The following TAPT1 variants were observed in gnomAD, a reference collection of about 807,000 sequenced individuals.
The protein encoded by TAPT1 is transmembrane anterior posterior transformation protein 1 homolog.
A neutral mutation model predicts 65.6 loss-of-function variants in TAPT1; 28 were observed. That is an observed-to-expected ratio of 0.43 (90% CI 0.32 to 0.59). TAPT1 has a LOEUF of 0.59. Ranked by LOEUF, TAPT1 falls within the 20% of genes least tolerant of loss-of-function variation. The pLI, the probability that TAPT1 is intolerant of heterozygous loss-of-function variation, is 0.09. For synonymous variants in TAPT1, 278 were observed against 245.2 expected (o/e 1.13, Z -1.25); for missense variants, 563 against 679.9 (o/e 0.83, Z 1.91).
chr4:16,203,761 C>A (rs758954915), intron 2 of TAPT1, among the ~76,000 whole-genome samples: 1 of 152,168 alleles, frequency 6.6e-6, no homozygotes, highest in South Asian at 2.1e-4. Flanking sequence ...TTTAAACCAC[C>A]CAGTCTATGG....
At chr4:16,182,616 A>G (rs1433524098) in intron 7 of TAPT1, among the ~76,000 whole-genome samples, 2 of 152,218 alleles carry the variant, frequency 1.3e-5, no homozygotes, top group African/African-American at 2.4e-5. Context: ...AAGAGTGCTA[A>G]GTGAGCTATA....
At chr4:16,202,099 G>A (rs1476795596) in intron 3 of TAPT1, among the ~76,000 whole-genome samples, 2 of 152,098 alleles carry the variant, frequency 1.3e-5, no homozygotes, top group East Asian at 1.9e-4. Flanking sequence ...CACAGATGAT[G>A]CCTACGAGGC....
chr4:16,213,621 T>G (rs1750765532), intron 2 of TAPT1, 147 bp downstream of exon 2: 1 of 672,074 alleles, frequency 1.5e-6, no homozygotes, highest in Non-Finnish European at 2.3e-6. Context: ...CTTTAAAGCT[T>G]CTTCCTGTAA....
In TAPT1 at chr4:16,163,232, T is replaced by A. The variant is rs567483908; in HGVS notation, c.*76A>T. 1.8e-5 allele frequency: 18 copies of A among 996,528 alleles called. No homozygotes were observed. Among genetic ancestry groups the A allele is most frequent in the Non-Finnish European group, 2.7e-5 (17 of 632,584 alleles). 61.7% of individuals were successfully genotyped at this position (996,528 alleles called of 1,614,324 possible). On this transcript the variant is annotated 3_prime_UTR_variant, in exon 14 of 14. Transcript: ENST00000405303. The stretch of plus-strand genomic sequence containing the variant: ...TTAAATAAATATTTAAGTGCCATGT[T>A]TAGCATCTATTTGTCCTGGCAACAC...
chr4:16,200,851 C>T (rs535256728), intron 3 of TAPT1, among the ~76,000 whole-genome samples: 2 of 152,228 alleles, frequency 1.3e-5, no homozygotes, highest in South Asian at 2.1e-4. Flanking sequence ...TAATGCACCA[C>T]GCTACAAATG....
At chr4:16,173,568 T>C (rs542775229) in intron 11 of TAPT1, among the ~76,000 whole-genome samples, 4 of 152,310 alleles carry the variant, frequency 2.6e-5, no homozygotes, top group East Asian at 3.9e-4. Flanking sequence ...TACATACTTC[T>C]TGGGTATAAA....
At chr4:16,180,564 G>A (rs747481699) in intron 7 of TAPT1, among the ~76,000 whole-genome samples, 22 of 152,080 alleles carry the variant, frequency 1.4e-4, no homozygotes, top group Non-Finnish European at 3.1e-4. Flanking sequence ...CAGCCATGGC[G>A]CACCTCCTGT....
intron 3 of TAPT1, among the ~76,000 whole-genome samples, chr4:16,191,911 G>A (rs1225295988): frequency 6.6e-6 from 1 of 152,192 alleles, no homozygotes; most frequent in Non-Finnish European, 1.5e-5. Context: ...TACATTCTAT[G>A]CATACTGCTC....
At position 16,161,144 on chromosome 4, in the gene TAPT1, T is replaced by C. The variant is rs10013167; in HGVS notation, c.*2164A>G. The C allele has an allele frequency of 0.06, 9,115 of 152,662 alleles. 541 individuals carry two copies. The highest frequency in any genetic ancestry group is 0.15 in the African/African-American group (6,119 of 41,524). 9.5% of individuals were successfully genotyped at this position (152,662 alleles called of 1,614,324 possible). A position where few individuals can be genotyped will look rare whatever the true frequency, so the allele number is the denominator to read the frequency against. On this transcript the variant is annotated 3_prime_UTR_variant, in exon 14 of 14. Coordinates refer to ENST00000405303, the MANE Select transcript of TAPT1 (RefSeq NM_153365.3). Reference sequence around the variant, plus strand: ...GAGCCTATTTTTTCCAAAGACAAAATTAAACATTTTGCCACCATTAAGACC... The same window carrying C: ...GAGCCTATTTTTTCCAAAGACAAAACTAAACATTTTGCCACCATTAAGACC...
At chr4:16,178,430 T>C (rs943805133) in intron 8 of TAPT1, among the ~76,000 whole-genome samples, 9 of 152,252 alleles carry the variant, frequency 5.9e-5, no homozygotes, top group African/African-American at 2.2e-4. Context: ...ATAACATATA[T>C]AATACTGGGA....
At chr4:16,196,366 A>G (rs1749705695) in intron 3 of TAPT1, among the ~76,000 whole-genome samples, 1 of 152,214 alleles carries the variant, frequency 6.6e-6, no homozygotes, top group African/African-American at 2.4e-5. Flanking sequence ...AGCTCAGCCA[A>G]TTTCTGTGGC....
chr4:16,200,519 TCTTA>T (rs1403048894), intron 3 of TAPT1, among the ~76,000 whole-genome samples: 1 of 152,148 alleles, frequency 6.6e-6, no homozygotes, highest in African/African-American at 2.4e-5. Flanking sequence ...AGAGACAAGT[TCTTA>T]CTATGTTGCC....
chr4:16,171,900 T>C (rs1230482392), intron 11 of TAPT1, among the ~76,000 whole-genome samples: 1 of 152,248 alleles, frequency 6.6e-6, no homozygotes, highest in Non-Finnish European at 1.5e-5. Context: ...CTTCCTTTTT[T>C]CGGATATAAA....
chr4:16,215,335 CT>C (rs1750876323), intron 1 of TAPT1, among the ~76,000 whole-genome samples: 1 of 152,006 alleles, frequency 6.6e-6, no homozygotes, highest in African/African-American at 2.4e-5. Flanking sequence ...CTTAAAAGCC[CT>C]TGGAAAGACT....
At chr4:16,188,192 G>C (rs554902684) in intron 5 of TAPT1, 28 bp downstream of exon 5, 108 of 1,568,458 alleles carry the variant, frequency 6.9e-5, no homozygotes, top group Non-Finnish European at 6.5e-5. Context: ...TTAACTGTCG[G>C]AAATTTCCAG....
chr4:16,174,486 CTTAATGTT>C, intron 10 of TAPT1, 176 bp downstream of exon 10: 1 of 676,164 alleles, frequency 1.5e-6, no homozygotes, highest in East Asian at 2.8e-5. Flanking sequence ...GCATATACTA[CTTAATGTT>C]AAGTATTACT....
intron 13 of TAPT1, among the ~76,000 whole-genome samples, chr4:16,165,866 T>C (rs1747575612): frequency 6.6e-6 from 1 of 152,180 alleles, no homozygotes; most frequent in South Asian, 2.1e-4. Flanking sequence ...CTCTGGTCCC[T>C]ACCTCTGGGC....
In TAPT1 at chr4:16,186,861, T is replaced by C. The variant is rs1749049637; in HGVS notation, c.766A>G (p.Ile256Val). The C allele has an allele frequency of 6.2e-7, 1 of 1,610,488 alleles. No homozygotes were observed. Among genetic ancestry groups the C allele is most frequent in the Non-Finnish European group, 8.5e-7 (1 of 1,177,582 alleles). ...TTGAGAGTTGTTGCTTGAACCATTA[T>C]AAGAATTGCATGCAAAACTAATAGA... is the stretch of plus-strand genomic sequence containing the variant. ...VLYVFLHAIL[I>V]MVQATTLNVA... is the part of the protein sequence containing the mutation. Residue 256 changes from isoleucine (I) to valine (V), a missense_variant, in exon 6 of 14, where the codon ATA becomes GTA. Ile to Val is a conservative substitution (Grantham distance 29). This residue lies in a region of TAPT1 where 217 missense variants were observed against 317.5 expected (regional missense o/e 0.68). Coordinates refer to ENST00000405303, the MANE Select transcript of TAPT1 (RefSeq NM_153365.3).
At chr4:16,192,255 C>A (rs755344529) in intron 3 of TAPT1, among the ~76,000 whole-genome samples, 57 of 152,182 alleles carry the variant, frequency 3.7e-4, no homozygotes, top group Non-Finnish European at 7.2e-4. Flanking sequence ...TAGCCCAGGG[C>A]ACTGATACAG....
Sources: gnomAD v4.1 joint callset for allele counts (sites outside exome capture counted in the v4.1 genomes callset) on GRCh38, gnomAD v4.1.1 for gene constraint, gnomAD v4.1.1 regional missense constraint, MANE v1.5 for transcripts, NCBI Gene and HGNC (gene_info 2026-07-23, HGNC 2026-07-21) for gene names.